Variants in NLRC5 observed in about 807,000 individuals in gnomAD.
The protein encoded by NLRC5 is NLR family CARD domain containing 5, also known as protein NLRC5.
NLRC5 carries 114 observed loss-of-function variants against 206.9 expected under a neutral mutation model. The ratio of observed to expected loss-of-function variants is 0.55; its 90% confidence interval spans 0.47 to 0.64. NLRC5 has a LOEUF of 0.64. Ranked by LOEUF, NLRC5 falls within the 30% of genes least tolerant of loss-of-function variation. The probability of loss-of-function intolerance (pLI) is 0.00; values close to 1 mark genes in which losing one functional copy is unlikely to be tolerated. For missense variants in NLRC5, 2,008 were observed against 2,305.5 expected (o/e 0.87, Z 2.64); for synonymous variants, 952 against 962.8 (o/e 0.99, Z 0.21).
intron 10 of NLRC5, among the ~76,000 whole-genome samples, chr16:57,030,396 A>G (rs1567563710): frequency 4.8e-5 from 7 of 145,850 alleles, no homozygotes; most frequent in Admixed American, 3.4e-4. Context: ...GGATGGATGG[A>G]TGGATGGATG....
rs558796335 is a variant in NLRC5 at position 57,079,007 on chromosome 16, C to T, written c.5082-43C>T. Reference sequence around the variant, plus strand: ...AAGGCTGAGGGTGGGGCTCTGGAAACGCCAGTCCCTCAGGCTCCTCTCACC... The same window carrying T: ...AAGGCTGAGGGTGGGGCTCTGGAAATGCCAGTCCCTCAGGCTCCTCTCACC... On this transcript the variant is annotated intron_variant, in intron 43 of 48. Transcript: ENST00000688547. The T allele has an allele frequency of 1.6e-5, 25 of 1,565,482 alleles. No individual in the cohort carries two copies. In the East Asian group the frequency reaches 2.9e-4, roughly 18 times the overall value.
chr16:57,055,934 G>A (rs779299227), intron 27 of NLRC5, among the ~76,000 whole-genome samples: 4 of 152,210 alleles, frequency 2.6e-5, no homozygotes, highest in South Asian at 2.1e-4. Context: ...TGGTATCTGC[G>A]TGGCCTGTCT....
intron 10 of NLRC5, among the ~76,000 whole-genome samples, chr16:57,030,358 GAAAA>G (rs1330803095): frequency 3.5e-5 from 4 of 114,794 alleles, no homozygotes; most frequent in East Asian, 8.5e-4. Context: ...ATGGATGGCT[GAAAA>G]GATGGATGGG....
rs1372113693 is a variant in NLRC5, at chr16:57,042,006, T to C, written c.3054T>C (p.Asp1018=). The C allele has an allele frequency of 2.5e-6, 4 of 1,579,962 alleles. No individual in the cohort carries two copies. Among genetic ancestry groups the C allele is most frequent in the Non-Finnish European group, 3.4e-6 (4 of 1,166,706 alleles). ...HLDFSGNALG[D]EGAARLAQLL... ...GCTTCTCAGGCAATGCTCTGGGGGA[T>C]GAAGGTGCAGCCCGGCTGGCTCAGC... Residue 1018 remains aspartate, a synonymous_variant, in exon 19 of 49, where the codon GAT becomes GAC. Coordinates refer to ENST00000688547, the MANE Select transcript of NLRC5 (RefSeq NM_001384950.1).
chr16:57,032,821 C>A (rs1273948747), intron 11 of NLRC5, among the ~76,000 whole-genome samples: 1 of 137,204 alleles, frequency 7.3e-6, no homozygotes, highest in Admixed American at 7.8e-5. Flanking sequence ...CAAAGTGAGA[C>A]CCCCATCTCT....
intron 14 of NLRC5, 96 bp from the exon 15 acceptor site, chr16:57,037,099 G>A: frequency 3.0e-6 from 3 of 1,014,140 alleles, no homozygotes; most frequent in Non-Finnish European, 4.7e-6. Context: ...AGGAGTGACA[G>A]CCAGCAAGCT....
chr16:57,048,184 A>G (rs962371153), intron 23 of NLRC5: 2 of 153,320 alleles, frequency 1.3e-5, no homozygotes, highest in African/African-American at 4.8e-5. Context: ...TGATTCTATT[A>G]TAGTAATTAC....
chr16:57,004,187 CA>C (rs2142383393), intron 1 of NLRC5: 1 of 152,598 alleles, frequency 6.6e-6, no homozygotes, highest in East Asian at 1.9e-4. Flanking sequence ...TGGTGAGCAG[CA>C]TCTCATGGGC....
At chr16:57,018,434 A>T (rs957161180) in intron 2 of NLRC5, among the ~76,000 whole-genome samples, 3 of 152,030 alleles carry the variant, frequency 2.0e-5, no homozygotes, top group Non-Finnish European at 2.9e-5. Context: ...TGCTTAGTGG[A>T]GGTGGTGATC....
chr16:57,054,021 A>G (rs1420101959), intron 24 of NLRC5, among the ~76,000 whole-genome samples: 5 of 152,100 alleles, frequency 3.3e-5, no homozygotes, highest in African/African-American at 1.2e-4. Flanking sequence ...ACAAGCTGAT[A>G]GGGGGATTAC....
At chr16:57,047,655 G>T in intron 23 of NLRC5, 27 bp downstream of exon 23, 1 of 1,586,170 alleles carries the variant, frequency 6.3e-7, no homozygotes, top group Non-Finnish European at 8.6e-7. Context: ...CAGCCCCAGA[G>T]GGCACCATGT....
intron 23 of NLRC5, chr16:57,048,138 G>A (rs1326306888): frequency 1.3e-5 from 2 of 155,600 alleles, no homozygotes; most frequent in Admixed American, 6.3e-5. Context: ...CATCTGCACA[G>A]TGGATGGTCA....
intron 15 of NLRC5, among the ~76,000 whole-genome samples, chr16:57,039,454 C>G (rs548744851): frequency 6.6e-6 from 1 of 152,250 alleles, no homozygotes; most frequent in East Asian, 1.9e-4. Context: ...GGCACGGTGG[C>G]TCACACCTAT....
At chr16:57,075,669 C>T (rs1440476508) in intron 39 of NLRC5, among the ~76,000 whole-genome samples, 4 of 152,200 alleles carry the variant, frequency 2.6e-5, no homozygotes, top group Admixed American at 6.5e-5. Flanking sequence ...GATAAATAAA[C>T]ATGACACTTA....
intron 22 of NLRC5, among the ~76,000 whole-genome samples, chr16:57,047,154 G>A (rs2064092885): frequency 6.6e-6 from 1 of 152,222 alleles, no homozygotes; most frequent in Non-Finnish European, 1.5e-5. Context: ...GGGTAACAGG[G>A]AGAGGCCTGG....
chr16:57,046,506 C>A, intron 21 of NLRC5, 46 bp from the exon 22 acceptor site: 1 of 1,541,162 alleles, frequency 6.5e-7, no homozygotes, highest in Non-Finnish European at 9.0e-7. Flanking sequence ...GCTGGGAGTC[C>A]GAGGGGGTGA....
At chr16:57,079,500 G>C in intron 45 of NLRC5, 46 bp from the exon 46 acceptor site, 1 of 1,554,268 alleles carries the variant, frequency 6.4e-7, no homozygotes, top group Non-Finnish European at 8.9e-7. Context: ...TAGATCCCCT[G>C]ACTCAAACAA....
At chr16:57,034,444 A>G (rs2062266823) in intron 13 of NLRC5, 193 bp downstream of exon 13, 1 of 581,924 alleles carries the variant, frequency 1.7e-6, no homozygotes, top group Admixed American at 3.0e-5. Context: ...TAGGGACTGT[A>G]CATGCCTCCT....
At chr16:57,043,644 C>T (rs748447996) in intron 20 of NLRC5, 40 bp downstream of exon 20, 2 of 1,526,384 alleles carry the variant, frequency 1.3e-6, no homozygotes, top group Non-Finnish European at 1.8e-6. Flanking sequence ...CCCCTGTCCC[C>T]CATCCCACAG....
Sources: gnomAD v4.1 joint callset for allele counts (sites outside exome capture counted in the v4.1 genomes callset) on GRCh38, gnomAD v4.1.1 for gene constraint, MANE v1.5 for transcripts, NCBI Gene and HGNC (gene_info 2026-07-23, HGNC 2026-07-21) for gene names.